Variants in MCF2 observed in about 807,000 individuals in gnomAD.
The protein encoded by MCF2 is proto-oncogene DBL.
MCF2 carries 44 observed loss-of-function variants against 82.5 expected under a neutral mutation model. That is an observed-to-expected ratio of 0.53 (90% CI 0.42 to 0.69). MCF2 has a LOEUF of 0.69. MCF2 is among the 30% of genes least tolerant of loss of function. MCF2 has a pLI of 0.00. For synonymous variants in MCF2, 217 were observed against 224.9 expected (o/e 0.96, Z 0.32); for missense variants, 623 against 663.1 (o/e 0.94, Z 0.66).
intron 1 of MCF2, among the ~76,000 whole-genome samples, chrX:139,638,698 T>C (rs1933379340): frequency 8.9e-6 from 1 of 111,849 alleles, no homozygotes; most frequent in Non-Finnish European, 1.9e-5. Context: ...AAATGCTGCA[T>C]ACTCTAAACA....
chrX:139,617,212 G>A (rs1037529243), intron 8 of MCF2, among the ~76,000 whole-genome samples: 9 of 111,310 alleles, frequency 8.1e-5, no homozygotes, highest in African/African-American at 2.3e-4. Flanking sequence ...GAGATGTATC[G>A]AAAATACAAA....
chrX:139,587,835 T>G, intron 21 of MCF2, 47 bp from the exon 26 acceptor site: 1 of 815,868 alleles, frequency 1.2e-6, no homozygotes, highest in Non-Finnish European at 1.8e-6. Flanking sequence ...TCACACTTCT[T>G]ACTTCCTTGA....
chrX:139,600,706 A>G lies in MCF2; in HGVS notation c.1836+1700T>C, dbSNP rs759202950. On this transcript the variant is annotated intron_variant, in intron 16 of 24. Coordinates refer to ENST00000370576, the Ensembl canonical transcript of MCF2. ...TCAAGCAAATAGCTTGAGACAAATA[A>G]CTCAACAATGAGGATCATGGTCAAT... is the stretch of plus-strand genomic sequence containing the variant. Among the ~76,000 whole-genome samples, 13 of 111,651 alleles carry G rather than the reference A, an allele frequency of 1.2e-4. No homozygotes were observed. In the South Asian group the frequency reaches 2.2e-3, roughly 19 times the overall value.
chrX:139,663,582 T>G (rs778763174), intron 1 of MCF2, among the ~76,000 whole-genome samples: 1 of 109,590 alleles, frequency 9.1e-6, no homozygotes, highest in South Asian at 4.0e-4. Context: ...CTTTGTTTTT[T>G]TTTTTTTTTT....
intron 19 of MCF2, among the ~76,000 whole-genome samples, chrX:139,590,714 C>G (rs186441438): frequency 7.2e-5 from 8 of 110,825 alleles, no homozygotes; most frequent in African/African-American, 2.6e-4. Context: ...CTGCCTTCCT[C>G]TTTTCTTTCA....
chrX:139,594,587 G>A (rs1310742086), intron 19 of MCF2, among the ~76,000 whole-genome samples: 7 of 111,287 alleles, frequency 6.3e-5, no homozygotes, highest in African/African-American at 6.5e-5. Flanking sequence ...AAGATGGATT[G>A]AAGACTTAAA....
rs905642303 is a variant in MCF2 at position 139,692,090 on chromosome X, T to C, written c.-45+16016A>G. On this transcript the variant is annotated intron_variant, in intron 1 of 27. Transcript: ENST00000414978. ...GGCCTGGGATCCTGCCGCAGGACAC[T>C]GAGGTCCACGGCGCCGAAGCGGCAG... is the stretch of plus-strand genomic sequence containing the variant. 8.6e-6 allele frequency: 10 copies of C among 1,162,276 alleles called. No individual in the cohort carries two copies. In the Admixed American group the frequency reaches 2.6e-4, roughly 30 times the overall value.
At chrX:139,668,804 T>A (rs769683085) in intron 1 of MCF2, among the ~76,000 whole-genome samples, 2 of 111,338 alleles carry the variant, frequency 1.8e-5, no homozygotes, top group East Asian at 5.6e-4. Context: ...ATAAATTCAC[T>A]GGGGAAAACA....
At chrX:139,606,094 G>T (rs1342418200) in intron 12 of MCF2, among the ~76,000 whole-genome samples, 2 of 105,064 alleles carry the variant, frequency 1.9e-5, no homozygotes, top group African/African-American at 6.9e-5. Flanking sequence ...TAGCTTTAAA[G>T]AACTTTATTT....
chrX:139,599,398 G>T (rs73634053), intron 16 of MCF2, among the ~76,000 whole-genome samples: 1 of 109,668 alleles, frequency 9.1e-6, no homozygotes, highest in Non-Finnish European at 1.9e-5. Flanking sequence ...GATAAGCAAG[G>T]GGAAAACTTC....
At chrX:139,628,924 G>C (rs1932833014) in intron 4 of MCF2, among the ~76,000 whole-genome samples, 1 of 111,626 alleles carries the variant, frequency 9.0e-6, no homozygotes. Context: ...TCAAGACCTA[G>C]TATTCTGCAG....
exon 4 of MCF2, chrX:139,629,744 G>A: frequency 8.3e-7 from 1 of 1,205,286 alleles, no homozygotes; most frequent in Non-Finnish European, 1.1e-6. Context: ...TTCTTCTATT[G>A]AGGGAATATC....
intron 19 of MCF2, among the ~76,000 whole-genome samples, chrX:139,593,009 T>C (rs951394048): frequency 2.3e-4 from 26 of 112,145 alleles, no homozygotes; most frequent in African/African-American, 7.1e-4. Context: ...ATGAGAACTA[T>C]GAAAGAACAT....
At chrX:139,682,199 C>A (rs1440408679) in intron 1 of MCF2, among the ~76,000 whole-genome samples, 1 of 111,234 alleles carries the variant, frequency 9.0e-6, no homozygotes, top group African/African-American at 3.3e-5. Flanking sequence ...AGAAGACCTC[C>A]CCCCACAGGC....
At chrX:139,587,083 T>C (rs1355173458) in intron 22 of MCF2, among the ~76,000 whole-genome samples, 4 of 112,123 alleles carry the variant, frequency 3.6e-5, no homozygotes, top group Non-Finnish European at 3.8e-5. Flanking sequence ...AGTCATTCAA[T>C]GATCACCACA....
rs900131783 is a variant in MCF2, at chrX:139,628,484, G to C, written c.438+1211C>G. 2.7e-5 allele frequency among the ~76,000 whole-genome samples: 3 copies of C among 111,177 alleles called. No individual in the cohort carries two copies. In the Admixed American group the frequency reaches 2.9e-4, roughly 11 times the overall value. On this transcript the variant is annotated intron_variant, in intron 4 of 24. Transcript: ENST00000370576. ...GGGACTACTAGAGGAAGGAGGGTGG[G>C]AGGAGGCAGAGTGTTGAAAAACTAC...
chrX:139,669,008 T>C (rs1934605529), intron 1 of MCF2, among the ~76,000 whole-genome samples: 1 of 111,731 alleles, frequency 9.0e-6, no homozygotes. Flanking sequence ...ATACATTACA[T>C]CAAAAGTACA....
At chrX:139,695,272 T>C (rs984798335) in intron 1 of MCF2, among the ~76,000 whole-genome samples, 1 of 111,331 alleles carries the variant, frequency 9.0e-6, no homozygotes, top group Admixed American at 9.6e-5. Context: ...TAAGGTGATC[T>C]GCCCGCCTCG....
intron 1 of MCF2, among the ~76,000 whole-genome samples, chrX:139,692,440 G>C (rs1384570658): frequency 1.8e-5 from 2 of 111,594 alleles, no homozygotes; most frequent in African/African-American, 6.5e-5. Flanking sequence ...TCTGGCCCCC[G>C]CCGCTGCGAG....
Sources: gnomAD v4.1 joint callset for allele counts (sites outside exome capture counted in the v4.1 genomes callset) on GRCh38, gnomAD v4.1.1 for gene constraint, MANE v1.5 for transcripts, NCBI Gene and HGNC (gene_info 2026-07-23, HGNC 2026-07-21) for gene names.